The following ANKS1B variants were observed in gnomAD, a reference collection of about 807,000 sequenced individuals.
The protein encoded by ANKS1B is ankyrin repeat and sterile alpha motif domain containing 1B.
Under a neutral mutation model 148.3 loss-of-function variants are expected in ANKS1B, and 36 were observed. That is an observed-to-expected ratio of 0.24 (90% CI 0.19 to 0.32). ANKS1B has a LOEUF of 0.32. Ranked by LOEUF, ANKS1B falls within the 10% of genes least tolerant of loss-of-function variation. ANKS1B has a pLI of 1.00. For missense variants in ANKS1B, 1,157 were observed against 1,542.6 expected (o/e 0.75, Z 4.19); for synonymous variants, 542 against 560.8 (o/e 0.97, Z 0.47).
intron 14 of ANKS1B, among the ~76,000 whole-genome samples, chr12:99,155,323 T>C (rs2075888907): frequency 6.6e-6 from 1 of 152,180 alleles, no homozygotes. Flanking sequence ...AATAAGCCTC[T>C]CCGAGATATA....
intron 1 of ANKS1B, among the ~76,000 whole-genome samples, chr12:99,957,123 T>C (rs916574365): frequency 7.2e-5 from 11 of 152,182 alleles, no homozygotes; most frequent in Admixed American, 5.9e-4. Context: ...ATATTTACCT[T>C]AGAGGTTTGT....
At chr12:99,005,999 C>T (rs543035630) in intron 17 of ANKS1B, among the ~76,000 whole-genome samples, 2 of 152,320 alleles carry the variant, frequency 1.3e-5, no homozygotes, top group Non-Finnish European at 2.9e-5. Context: ...ATTGCCATCT[C>T]TTCTAACCCC....
chr12:99,373,033 G>T lies in ANKS1B; in HGVS notation c.1756+26598C>A, dbSNP rs377525340. 1.6e-4 allele frequency among the ~76,000 whole-genome samples: 24 copies of T among 152,222 alleles called. 1 individual carries two copies. The highest frequency in any genetic ancestry group is 3.4e-3 in the Middle Eastern group (1 of 294). On this transcript the variant is annotated intron_variant, in intron 12 of 26. Transcript: ENST00000683438. ...TCATAGATAGATCATGAAAGTTTGA[G>T]GTACCATGAAATATGATGTGAAAAT...
At chr12:99,690,863 T>C (rs557387770) in intron 8 of ANKS1B, among the ~76,000 whole-genome samples, 1 of 152,334 alleles carries the variant, frequency 6.6e-6, no homozygotes, top group East Asian at 1.9e-4. Flanking sequence ...GTGGGAACTC[T>C]GTGTGGAGGC....
At chr12:99,519,401 A>G (rs1230539269) in intron 9 of ANKS1B, among the ~76,000 whole-genome samples, 1 of 152,104 alleles carries the variant, frequency 6.6e-6, no homozygotes, top group African/African-American at 2.4e-5. Context: ...TGGGTGCCCC[A>G]TGGTTGGGTG....
chr12:99,969,992 G>A (rs2095538603), intron 1 of ANKS1B, among the ~76,000 whole-genome samples: 1 of 152,132 alleles, frequency 6.6e-6, no homozygotes. Context: ...AAAAAAAGTG[G>A]CCTGTGTGAT....
At chr12:99,504,433 G>A in intron 10 of ANKS1B, 43 bp downstream of exon 10, 1 of 1,580,006 alleles carries the variant, frequency 6.3e-7, no homozygotes, top group African/African-American at 1.4e-5. Flanking sequence ...ATATGAATAA[G>A]CAAGTAAATT....
rs145437430 is a variant in ANKS1B, at chr12:99,641,315, G to A, written c.1272+13752C>T. Among the ~76,000 whole-genome samples, 570 of 152,286 alleles carry A rather than the reference G, an allele frequency of 3.7e-3. 3 individuals are homozygous for A. Among genetic ancestry groups the A allele is most frequent in the African/African-American group, 0.013 (551 of 41,560 alleles). On this transcript the variant is annotated intron_variant, in intron 9 of 26. Transcript: ENST00000683438. ...CATTTTAAAGAAGCAGCAGCAGAGG[G>A]TGAGTTACTTGCCCAAGATTTTATG...
chr12:99,802,554 A>G (rs554828462), intron 4 of ANKS1B, among the ~76,000 whole-genome samples: 3 of 152,330 alleles, frequency 2.0e-5, no homozygotes, highest in Middle Eastern at 3.4e-3. Flanking sequence ...ATTTAAAATT[A>G]CTCAGAGAGT....
intron 17 of ANKS1B, among the ~76,000 whole-genome samples, chr12:98,962,806 A>G (rs2099873839): frequency 6.6e-6 from 1 of 152,236 alleles, no homozygotes; most frequent in Non-Finnish European, 1.5e-5. Context: ...TGGAAAATAT[A>G]AAAACACACG....
rs181781403 is a variant in ANKS1B, at chr12:99,240,453, C to G, written c.2419+3889G>C. Among the ~76,000 whole-genome samples, 37 of 152,186 alleles carry G rather than the reference C, an allele frequency of 2.4e-4. No individual in the cohort carries two copies. In the East Asian group the frequency reaches 5.6e-3, roughly 23 times the overall value. ...CGACAAAGAGACATAGACTCCCATA[C>G]AATAATAATGATAGACTTTAACACC... On this transcript the variant is annotated intron_variant, in intron 14 of 26. Coordinates refer to ENST00000683438, the MANE Select transcript of ANKS1B (RefSeq NM_001352186.2).
At chr12:99,289,974 A>G (rs2079704241) in intron 12 of ANKS1B, among the ~76,000 whole-genome samples, 1 of 151,888 alleles carries the variant, frequency 6.6e-6, no homozygotes, top group African/African-American at 2.4e-5. Context: ...CAAAACGTCA[A>G]TGAAATGAAA....
At chr12:98,940,067 A>C (rs1309959058) in intron 17 of ANKS1B, among the ~76,000 whole-genome samples, 3 of 152,184 alleles carry the variant, frequency 2.0e-5, no homozygotes, top group Non-Finnish European at 4.4e-5. Flanking sequence ...TGATAAAGCA[A>C]ACACTGCAGC....
At chr12:99,645,947 AC>A (rs1440810838) in intron 9 of ANKS1B, among the ~76,000 whole-genome samples, 1 of 151,846 alleles carries the variant, frequency 6.6e-6, no homozygotes, top group East Asian at 1.9e-4. Flanking sequence ...TTCCTTGGAG[AC>A]CAGCGCTCTA....
intron 16 of ANKS1B, among the ~76,000 whole-genome samples, chr12:99,082,458 C>G (rs1199035623): frequency 6.6e-6 from 1 of 152,058 alleles, no homozygotes; most frequent in African/African-American, 2.4e-5. Flanking sequence ...AGACTTTATT[C>G]TAAGTGGGAA....
At chr12:99,494,712 G>A in intron 10 of ANKS1B, among the ~76,000 whole-genome samples, 1 of 124,776 alleles carries the variant, frequency 8.0e-6, no homozygotes, top group Non-Finnish European at 1.6e-5. Flanking sequence ...CAGCCTAGGT[G>A]ACAGAGGGAC....
chr12:99,334,065 G>C (rs1225706155), intron 12 of ANKS1B, among the ~76,000 whole-genome samples: 1 of 151,500 alleles, frequency 6.6e-6, no homozygotes, highest in African/African-American at 2.4e-5. Context: ...ATAATTCTGG[G>C]TCAGGCATCA....
At chr12:99,876,061 C>T (rs1049138233) in intron 1 of ANKS1B, among the ~76,000 whole-genome samples, 35 of 152,066 alleles carry the variant, frequency 2.3e-4, no homozygotes, top group Non-Finnish European at 2.2e-4. Flanking sequence ...TAAACTGCTT[C>T]GATTGAGGTA....
At chr12:99,590,107 AGTAT>A (rs1391147068) in intron 9 of ANKS1B, among the ~76,000 whole-genome samples, 14 of 152,190 alleles carry the variant, frequency 9.2e-5, no homozygotes, top group Non-Finnish European at 1.9e-4. Flanking sequence ...AAAAAAGTAC[AGTAT>A]GTATTTATTT....
Sources: allele counts gnomAD v4.1 joint callset (sites outside exome capture counted in the v4.1 genomes callset), GRCh38; gene constraint gnomAD v4.1.1; transcripts MANE v1.5; gene names NCBI Gene and HGNC (gene_info 2026-07-23, HGNC 2026-07-21).